STK31: variants seen among roughly 807,000 people sequenced by gnomAD.
The protein encoded by STK31 is serine/threonine kinase 31.
STK31 carries 89 observed loss-of-function variants against 129.7 expected under a neutral mutation model. The ratio of observed to expected loss-of-function variants is 0.69; its 90% CI spans 0.58 to 0.82. The LOEUF (loss-of-function observed/expected upper bound fraction) is 0.82, where lower values mean the gene tolerates loss of function less well. Among genes scored for constraint, STK31 ranks in the 40% least tolerant of loss-of-function variants. The pLI, the probability that STK31 is intolerant of heterozygous loss-of-function variation, is 0.00. For missense variants in STK31, 1,187 were observed against 1,176.4 expected (o/e 1.01, Z -0.13); for synonymous variants, 448 against 395.3 (o/e 1.13, Z -1.58).
At chr7:23,819,521 T>C (rs1562631113) in intron 23 of STK31, among the ~76,000 whole-genome samples, 1 of 152,066 alleles carries the variant, frequency 6.6e-6, no homozygotes, top group Non-Finnish European at 1.5e-5. Context: ...TTCAAGCGAT[T>C]CTCCTGCCTC....
chr7:23,745,019 T>C (rs527444087), intron 8 of STK31, among the ~76,000 whole-genome samples: 2 of 152,268 alleles, frequency 1.3e-5, no homozygotes, highest in South Asian at 2.1e-4. Context: ...ATGTGGGTGA[T>C]AGTAGCAATG....
At chr7:23,711,859 A>G (rs1338849502) in intron 1 of STK31, among the ~76,000 whole-genome samples, 1 of 152,194 alleles carries the variant, frequency 6.6e-6, no homozygotes, top group Non-Finnish European at 1.5e-5. Context: ...TAAGTTTGTA[A>G]AAGTTTGGCT....
rs2128128757 is a variant in STK31, at chr7:23,818,386, T to C, written c.2829+3174T>C. On this transcript the variant is annotated intron_variant, in intron 23 of 23. Coordinates refer to ENST00000355870, the MANE Select transcript of STK31 (RefSeq NM_031414.5). ...TTCAGTTTTTACAGGCAGTATATTT[T>C]ATATTATTGTGTCATATGAGGGGGA... 1.3e-5 allele frequency among the ~76,000 whole-genome samples: 2 copies of C among 152,304 alleles called. 1 individual carries two copies. The highest frequency in any genetic ancestry group is 4.1e-4 in the South Asian group (2 of 4,830).
chr7:23,798,895 A>G (rs1792184655), intron 22 of STK31, among the ~76,000 whole-genome samples: 1 of 152,236 alleles, frequency 6.6e-6, no homozygotes, highest in Non-Finnish European at 1.5e-5. Flanking sequence ...AACTTCAGCA[A>G]AGTCTCAGGA....
Position 23,832,387 on chromosome 7 carries a change from A to C in STK31, c.*21A>C. 2 of 1,567,224 alleles carry C rather than the reference A, an allele frequency of 1.3e-6. No homozygotes were observed. The highest frequency in any genetic ancestry group is 1.7e-6 in the Non-Finnish European group (2 of 1,159,154). ...GTTAAATTATTATTGTTGTTGTTGC[A>C]GAGGTTCTTTTTAAAAACTTTGGTT... On this transcript the variant is annotated 3_prime_UTR_variant, in exon 24 of 24. Transcript: ENST00000355870.
chr7:23,770,073 A>G (rs926487921), intron 13 of STK31, among the ~76,000 whole-genome samples: 3 of 152,210 alleles, frequency 2.0e-5, no homozygotes, highest in Admixed American at 2.0e-4. Context: ...AATGCGTCAT[A>G]CCAAATGACT....
At chr7:23,775,278 T>C (rs1365460293) in intron 15 of STK31, among the ~76,000 whole-genome samples, 2 of 152,218 alleles carry the variant, frequency 1.3e-5, no homozygotes, top group Admixed American at 6.5e-5. Context: ...TCCAGCTTTG[T>C]TCTTTTTGCT....
intron 15 of STK31, among the ~76,000 whole-genome samples, chr7:23,777,736 C>T (rs921397925): frequency 7.9e-5 from 12 of 151,898 alleles, no homozygotes; most frequent in East Asian, 3.9e-4. Flanking sequence ...TGTCTTTGCA[C>T]GTCAGATGGG....
chr7:23,753,438 C>T (rs942392070), intron 9 of STK31, among the ~76,000 whole-genome samples: 2 of 152,090 alleles, frequency 1.3e-5, no homozygotes, highest in East Asian at 3.9e-4. Flanking sequence ...ATGCTCTGAG[C>T]TGCTGAGATA....
chr7:23,714,773 A>G (rs757662006), intron 3 of STK31, among the ~76,000 whole-genome samples: 2 of 152,166 alleles, frequency 1.3e-5, no homozygotes, highest in African/African-American at 2.4e-5. Flanking sequence ...AGCAAATTCA[A>G]GAGTCAGCAG....
chr7:23,814,241 T>C (rs548582261), intron 22 of STK31, among the ~76,000 whole-genome samples: 71 of 150,316 alleles, frequency 4.7e-4, no homozygotes, highest in African/African-American at 1.5e-3. Flanking sequence ...TTTTTCTTCC[T>C]TTTTTAAACC....
chr7:23,786,550 A>G lies in STK31; in HGVS notation c.2317A>G (p.Arg773Gly). The G allele has an allele frequency of 6.2e-7, 1 of 1,613,666 alleles. No homozygotes were observed. The highest frequency in any genetic ancestry group is 8.5e-7 in the Non-Finnish European group (1 of 1,179,742). ...TGACACAGAAGCCAAGGTGATTGAG[A>G]GAGCAGCCACCTACCATAGAGCTTG... ...DVDTEAKVIE[R>G]AATYHRAWRE... is the part of the protein sequence containing the mutation. The change falls in exon 19 of 24, where the codon AGA becomes GGA. Residue 773 changes from arginine to glycine, a missense_variant. By Grantham distance (125) the Arg-to-Gly change is moderately radical. Around this residue, in one of 5 missense-constraint regions of STK31, gnomAD observed 975 missense variants for 934.9 expected, o/e 1.04. Coordinates refer to ENST00000355870, the MANE Select transcript of STK31 (RefSeq NM_031414.5).
At chr7:23,826,949 C>A (rs1208164101) in intron 23 of STK31, among the ~76,000 whole-genome samples, 9 of 152,028 alleles carry the variant, frequency 5.9e-5, no homozygotes, top group Non-Finnish European at 1.0e-4. Flanking sequence ...TGTAGAGTTT[C>A]TGCTGAGAGA....
At chr7:23,826,785 T>C (rs939797367) in intron 23 of STK31, among the ~76,000 whole-genome samples, 11 of 152,148 alleles carry the variant, frequency 7.2e-5, no homozygotes, top group Non-Finnish European at 1.0e-4. Context: ...TTAGGGCAGG[T>C]CTGGTGGTGA....
chr7:23,802,336 C>T (rs1481828423), intron 22 of STK31, among the ~76,000 whole-genome samples: 3 of 152,176 alleles, frequency 2.0e-5, no homozygotes, highest in African/African-American at 4.8e-5. Context: ...ATTCTTCCAA[C>T]GACCTCCCGC....
At chr7:23,732,210 C>T (rs1787475073) in intron 6 of STK31, among the ~76,000 whole-genome samples, 1 of 151,618 alleles carries the variant, frequency 6.6e-6, no homozygotes, top group Non-Finnish European at 1.5e-5. Flanking sequence ...ACTCAGGAGG[C>T]TGAGGTGGGA....
chr7:23,769,243 G>A (rs1377455760), intron 12 of STK31, 69 bp downstream of exon 12: 13 of 1,384,214 alleles, frequency 9.4e-6, no homozygotes, highest in Non-Finnish European at 1.1e-5. Flanking sequence ...AAAATCACGC[G>A]CTTTGTTCAA....
intron 22 of STK31, among the ~76,000 whole-genome samples, chr7:23,801,292 A>G (rs1318699120): frequency 1.3e-5 from 2 of 152,104 alleles, no homozygotes; most frequent in Non-Finnish European, 2.9e-5. Context: ...AATTTCTCTA[A>G]TAGATAATGA....
intron 22 of STK31, among the ~76,000 whole-genome samples, chr7:23,799,977 T>C (rs1257238104): frequency 6.6e-6 from 1 of 152,110 alleles, no homozygotes; most frequent in Non-Finnish European, 1.5e-5. Context: ...AACAAGCATA[T>C]GAAAAAAGCT....
Sources: allele counts gnomAD v4.1 joint callset (sites outside exome capture counted in the v4.1 genomes callset), GRCh38; gene constraint gnomAD v4.1.1; regional missense constraint gnomAD v4.1.1; transcripts MANE v1.5; gene names NCBI Gene and HGNC (gene_info 2026-07-23, HGNC 2026-07-21).